SOX5: variants seen among roughly 807,000 people sequenced by gnomAD.
The protein encoded by SOX5 is transcription factor SOX-5.
In SOX5, 9 loss-of-function variants were observed where a neutral mutation model predicts 92.0. The ratio of observed to expected loss-of-function variants is 0.10; its 90% CI spans 0.06 to 0.17. The LOEUF is 0.17. Among genes scored for constraint, SOX5 ranks in the 10% least tolerant of loss-of-function variants. The probability of loss-of-function intolerance (pLI) is 1.00; values close to 1 mark genes in which losing one functional copy is unlikely to be tolerated. For synonymous variants in SOX5, 344 were observed against 336.3 expected (o/e 1.02, Z -0.25); for missense variants, 642 against 944.5 (o/e 0.68, Z 4.20).
At chr12:23,707,663 A>G (rs1050905895) in intron 6 of SOX5, among the ~76,000 whole-genome samples, 3 of 152,180 alleles carry the variant, frequency 2.0e-5, no homozygotes, top group Non-Finnish European at 2.9e-5. Context: ...TTATAAACCT[A>G]AAATTAAAGT....
chr12:23,844,842 C>G (rs2096557281), intron 3 of SOX5, among the ~76,000 whole-genome samples: 1 of 152,268 alleles, frequency 6.6e-6, no homozygotes, highest in Admixed American at 6.5e-5. Context: ...ATAAGGTTGT[C>G]TGGATCCCCC....
intron 3 of SOX5, among the ~76,000 whole-genome samples, chr12:24,265,498 C>G (rs896915096): frequency 4.6e-5 from 7 of 152,086 alleles, no homozygotes; most frequent in African/African-American, 1.4e-4. Context: ...GAGCTGAGGT[C>G]GTGCCACTGT....
intron 4 of SOX5, among the ~76,000 whole-genome samples, chr12:24,182,679 T>C (rs972578129): frequency 2.0e-5 from 3 of 152,152 alleles, no homozygotes; most frequent in African/African-American, 7.2e-5. Flanking sequence ...GGAAAAGTCC[T>C]AAATATATAA....
At chr12:23,987,128 A>G (rs1023512297) in intron 4 of SOX5, among the ~76,000 whole-genome samples, 7 of 152,234 alleles carry the variant, frequency 4.6e-5, no homozygotes, top group Non-Finnish European at 8.8e-5. Context: ...AGATGTGACT[A>G]TAACAGAAAA....
At chr12:24,418,867 C>G (rs1224604005) in intron 1 of SOX5, among the ~76,000 whole-genome samples, 1 of 152,170 alleles carries the variant, frequency 6.6e-6, no homozygotes. Context: ...AACTGGGCAT[C>G]AGGGCAGGTG....
intron 6 of SOX5, among the ~76,000 whole-genome samples, chr12:23,669,129 T>G (rs1462627631): frequency 1.3e-5 from 2 of 152,180 alleles, no homozygotes; most frequent in Non-Finnish European, 1.5e-5. Context: ...CATACATGGA[T>G]GCTCTCTAGG....
chr12:23,986,538 CA>C (rs1427907518), intron 4 of SOX5, among the ~76,000 whole-genome samples: 2 of 152,108 alleles, frequency 1.3e-5, no homozygotes, highest in African/African-American at 4.8e-5. Flanking sequence ...AAGAGAAATA[CA>C]ATGTCTTTCT....
chr12:23,928,354 A>G (rs1011329662), intron 1 of SOX5, among the ~76,000 whole-genome samples: 5 of 152,022 alleles, frequency 3.3e-5, no homozygotes, highest in Non-Finnish European at 5.9e-5. Context: ...GGTGTGGCCA[A>G]GGAATTTTAT....
chr12:24,025,529 G>A (rs1485291361), intron 4 of SOX5, among the ~76,000 whole-genome samples: 2 of 151,988 alleles, frequency 1.3e-5, no homozygotes, highest in Non-Finnish European at 2.9e-5. Context: ...ACAGAGAACA[G>A]TGACTCTCTG....
At chr12:24,283,234 T>C (rs1945430820) in intron 2 of SOX5, among the ~76,000 whole-genome samples, 2 of 152,206 alleles carry the variant, frequency 1.3e-5, no homozygotes, top group African/African-American at 2.4e-5. Context: ...CTTGGCTAAA[T>C]GAAAATAGGC....
At chr12:23,811,419 T>G (rs1594691061) in intron 3 of SOX5, among the ~76,000 whole-genome samples, 1 of 152,124 alleles carries the variant, frequency 6.6e-6, no homozygotes, top group East Asian at 1.9e-4. Flanking sequence ...CCTGCCCTAT[T>G]TAAAAGAAAA....
intron 4 of SOX5, among the ~76,000 whole-genome samples, chr12:24,206,056 C>T (rs1243105921): frequency 1.3e-5 from 2 of 152,114 alleles, no homozygotes; most frequent in Admixed American, 1.3e-4. Context: ...AACTGTAAAA[C>T]ACATGCACAT....
intron 4 of SOX5, among the ~76,000 whole-genome samples, chr12:24,117,758 T>C (rs1565471137): frequency 6.6e-6 from 1 of 151,954 alleles, no homozygotes; most frequent in Non-Finnish European, 1.5e-5. Context: ...ATGTGGAACC[T>C]AAAAAAGTCA....
intron 3 of SOX5, among the ~76,000 whole-genome samples, chr12:23,760,147 A>G (rs1450414275): frequency 1.3e-5 from 2 of 152,088 alleles, no homozygotes; most frequent in African/African-American, 2.4e-5. Flanking sequence ...AATAAGTGTG[A>G]GTTAATAATC....
At chr12:24,469,423 G>T (rs193033032) in intron 1 of SOX5, among the ~76,000 whole-genome samples, 1 of 152,184 alleles carries the variant, frequency 6.6e-6, no homozygotes, top group Non-Finnish European at 1.5e-5. Flanking sequence ...ATATTTTAGG[G>T]TTCTCCATTT....
At chr12:24,359,291 G>C (rs1340054986) in intron 2 of SOX5, among the ~76,000 whole-genome samples, 1 of 152,188 alleles carries the variant, frequency 6.6e-6, no homozygotes, top group Non-Finnish European at 1.5e-5. Context: ...ATATCATTTT[G>C]ATTATGGTGC....
chr12:24,209,183 G>C (rs1958328866), intron 4 of SOX5, among the ~76,000 whole-genome samples: 1 of 152,162 alleles, frequency 6.6e-6, no homozygotes, highest in Non-Finnish European at 1.5e-5. Context: ...AAAGTTTGTT[G>C]AACAGGCAAT....
intron 3 of SOX5, among the ~76,000 whole-genome samples, chr12:23,776,404 G>A (rs550933923): frequency 6.6e-6 from 1 of 152,290 alleles, no homozygotes; most frequent in African/African-American, 2.4e-5. Flanking sequence ...ACTGAGGAAG[G>A]CAAGAAATTT....
chr12:24,191,052 C>G (rs753111095), intron 4 of SOX5, among the ~76,000 whole-genome samples: 6 of 152,096 alleles, frequency 3.9e-5, no homozygotes, highest in Non-Finnish European at 7.3e-5. Flanking sequence ...CTGCAGCGAT[C>G]CTGGACTCAA....
Sources: allele counts gnomAD v4.1 joint callset (sites outside exome capture counted in the v4.1 genomes callset), GRCh38; gene constraint gnomAD v4.1.1; transcripts MANE v1.5; gene names NCBI Gene and HGNC (gene_info 2026-07-23, HGNC 2026-07-21).